Variants in NSMCE2 observed in about 807,000 individuals in gnomAD.
NSMCE2 encodes the protein E3 SUMO-protein ligase NSE2.
A neutral mutation model predicts 23.8 loss-of-function variants in NSMCE2; 24 were observed. The ratio of observed to expected loss-of-function variants is 1.01; its 90% confidence interval spans 0.73 to 1.42. The LOEUF is 1.42. NSMCE2 is among the 40% of genes most tolerant of loss of function. The probability of loss-of-function intolerance (pLI) is 0.00; values close to 1 mark genes in which losing one functional copy is unlikely to be tolerated. For missense variants in NSMCE2, 284 were observed against 296.5 expected (o/e 0.96, Z 0.31); for synonymous variants, 92 against 94.1 (o/e 0.98, Z 0.13).
At chr8:125,295,648 C>T (rs1322278653) in intron 5 of NSMCE2, among the ~76,000 whole-genome samples, 4 of 152,212 alleles carry the variant, frequency 2.6e-5, no homozygotes, top group African/African-American at 9.6e-5. Context: ...CATAATACAT[C>T]ATCCCATGTT....
intron 5 of NSMCE2, among the ~76,000 whole-genome samples, chr8:125,287,733 C>T (rs997411445): frequency 6.6e-6 from 1 of 152,118 alleles, no homozygotes; most frequent in Non-Finnish European, 1.5e-5. Flanking sequence ...AGTGTTCTGA[C>T]TACCCAGGGA....
At chr8:125,129,544 CTGTGTGTGTG>C (rs10578122) in intron 3 of NSMCE2, among the ~76,000 whole-genome samples, 9 of 145,466 alleles carry the variant, frequency 6.2e-5, no homozygotes, top group East Asian at 4.0e-4. Context: ...AGATTTGGCT[CTGTGTGTGTG>C]TGTGTGTGTG....
intron 5 of NSMCE2, among the ~76,000 whole-genome samples, chr8:125,190,532 A>C (rs1160994610): frequency 1.3e-5 from 2 of 152,226 alleles, no homozygotes; most frequent in African/African-American, 4.8e-5. Context: ...GGACCAAATA[A>C]ATAATTAAGA....
At chr8:125,174,633 T>C (rs1822386339) in intron 4 of NSMCE2, among the ~76,000 whole-genome samples, 1 of 152,228 alleles carries the variant, frequency 6.6e-6, no homozygotes, top group Non-Finnish European at 1.5e-5. Context: ...CTATTCAAAC[T>C]AGACAAATAA....
intron 5 of NSMCE2, among the ~76,000 whole-genome samples, chr8:125,233,464 C>A (rs995435981): frequency 2.0e-5 from 3 of 152,040 alleles, no homozygotes; most frequent in Non-Finnish European, 2.9e-5. Context: ...CTTAAAGTCA[C>A]ATGTGGAGTT....
At chr8:125,212,590 T>C (rs544128668) in intron 5 of NSMCE2, among the ~76,000 whole-genome samples, 50 of 152,318 alleles carry the variant, frequency 3.3e-4, no homozygotes, top group Non-Finnish European at 6.0e-4. Context: ...TGGAAGTCAT[T>C]GCCAGAGTAT....
At chr8:125,124,402 A>G (rs140805129) in intron 3 of NSMCE2, among the ~76,000 whole-genome samples, 46 of 152,208 alleles carry the variant, frequency 3.0e-4, no homozygotes, top group Admixed American at 1.2e-3. Context: ...TCATGCTTGC[A>G]TTCTGAAACT....
At chr8:125,322,347 G>T (rs753397654) in intron 5 of NSMCE2, among the ~76,000 whole-genome samples, 3 of 152,194 alleles carry the variant, frequency 2.0e-5, no homozygotes, top group Non-Finnish European at 4.4e-5. Flanking sequence ...CAGTCTGAGA[G>T]TGAGTGAAGC....
intron 3 of NSMCE2, among the ~76,000 whole-genome samples, chr8:125,112,993 A>G (rs552646185): frequency 4.0e-5 from 6 of 150,172 alleles, no homozygotes; most frequent in African/African-American, 1.2e-4. Context: ...AATGTATACC[A>G]TAAATATATT....
chr8:125,278,933 C>T (rs992773590), intron 5 of NSMCE2, among the ~76,000 whole-genome samples: 2 of 151,712 alleles, frequency 1.3e-5, no homozygotes, highest in Non-Finnish European at 2.9e-5. Context: ...AATTAAGGCA[C>T]ATTCAGCTGG....
chr8:125,303,225 G>A (rs1475369122), intron 5 of NSMCE2, among the ~76,000 whole-genome samples: 1 of 152,182 alleles, frequency 6.6e-6, no homozygotes, highest in Non-Finnish European at 1.5e-5. Flanking sequence ...ACTCAGGAGA[G>A]CCTGTGGGAA....
At chr8:125,297,563 C>A (rs1828378658) in intron 5 of NSMCE2, among the ~76,000 whole-genome samples, 1 of 151,728 alleles carries the variant, frequency 6.6e-6, no homozygotes, top group African/African-American at 2.4e-5. Flanking sequence ...AATTAACAAA[C>A]ACTTAGGCTG....
At chr8:125,154,004 T>C (rs1395927517) in intron 4 of NSMCE2, among the ~76,000 whole-genome samples, 1 of 152,202 alleles carries the variant, frequency 6.6e-6, no homozygotes. Context: ...AAGGTGTTCA[T>C]GGCCTCTGAA....
chr8:125,247,588 G>T (rs1826039281), intron 5 of NSMCE2, among the ~76,000 whole-genome samples: 1 of 151,974 alleles, frequency 6.6e-6, no homozygotes, highest in South Asian at 2.1e-4. Flanking sequence ...AGCTGGGTAT[G>T]GTGGCAGGCA....
rs772596506 is a variant in NSMCE2, at chr8:125,355,835, T to C, written c.419-1384T>C. The stretch of plus-strand genomic sequence containing the variant: ...TTCAAATGTTGTCTATCATCTGTTT[T>C]TGGTTTGGTTTGGTTTTTCAGTTGG... On this transcript the variant is annotated intron_variant, in intron 5 of 7. Transcript: ENST00000287437. Among the ~76,000 whole-genome samples the C allele has an allele frequency of 1.3e-5, 2 of 152,126 alleles. 1 individual carries two copies. The highest frequency in any genetic ancestry group is 4.1e-4 in the South Asian group (2 of 4,828).
intron 5 of NSMCE2, among the ~76,000 whole-genome samples, chr8:125,231,557 C>G (rs903786172): frequency 6.6e-6 from 1 of 152,126 alleles, no homozygotes; most frequent in Non-Finnish European, 1.5e-5. Flanking sequence ...TACCATAGCA[C>G]TTTTGCACAC....
In NSMCE2 at chr8:125,110,870, T is replaced by G. The variant is rs1818710500; in HGVS notation, c.157+8383T>G. Among the ~76,000 whole-genome samples, 3 of 149,414 alleles carry G rather than the reference T, an allele frequency of 2.0e-5. No individual in the cohort carries two copies. In the Admixed American group the frequency reaches 2.0e-4, roughly 10 times the overall value. On this transcript the variant is annotated intron_variant, in intron 3 of 7. Transcript: ENST00000287437. ...CTGAAACATCCTCTCATGGAGGTCA[T>G]GTATGGTCATGGGGGGAAGGAGCTG...
chr8:125,340,155 C>T (rs13261587), intron 5 of NSMCE2, among the ~76,000 whole-genome samples: 65,651 of 150,536 alleles, frequency 0.44, 16,439 homozygotes, highest in East Asian at 0.54. Context: ...GCTGGGACTA[C>T]AGGCGCCCGC....
At chr8:125,155,906 G>T (rs912429026) in intron 4 of NSMCE2, 8 of 440,318 alleles carry the variant, frequency 1.8e-5, no homozygotes, top group Admixed American at 7.5e-5. Flanking sequence ...CAGGGAAAAT[G>T]ATGGGAATGT....
Sources: gnomAD v4.1 joint callset for allele counts (sites outside exome capture counted in the v4.1 genomes callset) on GRCh38, gnomAD v4.1.1 for gene constraint, MANE v1.5 for transcripts, NCBI Gene and HGNC (gene_info 2026-07-23, HGNC 2026-07-21) for gene names.